The following PGCKA1 variants were observed in gnomAD, a reference collection of about 807,000 sequenced individuals.
PGCKA1 encodes PDCD10 and GCKIII kinases-associated protein 1.
At chr4:37,555,087 C>A in the PGCKA1 span, among the ~76,000 whole-genome samples, 6 of 152,180 alleles carry the variant, frequency 3.9e-5, no homozygotes, top group Admixed American at 6.5e-5. Flanking sequence ...GAGGGTCCAA[C>A]CCTCACTCTA....
At chr4:37,556,821 C>T in the PGCKA1 span, among the ~76,000 whole-genome samples, 5 of 152,070 alleles carry the variant, frequency 3.3e-5, no homozygotes, top group Admixed American at 1.3e-4. Flanking sequence ...TCATGGCTTC[C>T]TTATCAAGTA....
chr4:37,505,641 G>A, the PGCKA1 span, among the ~76,000 whole-genome samples: 359 of 152,274 alleles, frequency 2.4e-3, no homozygotes, highest in African/African-American at 7.5e-3. Flanking sequence ...AGCTTGCTCA[G>A]GGAAACTCCC....
At chr4:37,525,161 G>A in the PGCKA1 span, among the ~76,000 whole-genome samples, 76,339 of 151,972 alleles carry the variant, frequency 0.5, 20,035 homozygotes, top group African/African-American at 0.64. Flanking sequence ...GAGGAGAACT[G>A]AAAATGAAGG....
At chr4:37,456,063 G>A in the PGCKA1 span, among the ~76,000 whole-genome samples, 1 of 152,232 alleles carries the variant, frequency 6.6e-6, no homozygotes, top group East Asian at 1.9e-4. Flanking sequence ...TGGTCATTAG[G>A]CAGATTTTCT....
At chr4:37,467,925 T>C in the PGCKA1 span, among the ~76,000 whole-genome samples, 3 of 152,204 alleles carry the variant, frequency 2.0e-5, no homozygotes, top group African/African-American at 4.8e-5. Flanking sequence ...CTCCCATTTG[T>C]GGTTTGTACT....
the PGCKA1 span, among the ~76,000 whole-genome samples, chr4:37,579,366 G>A: frequency 6.6e-6 from 1 of 152,122 alleles, no homozygotes; most frequent in Admixed American, 6.5e-5. Context: ...AGTGAGTTTT[G>A]TACCTTTAGA....
chr4:37,545,924 A>G, the PGCKA1 span, among the ~76,000 whole-genome samples: 1 of 152,326 alleles, frequency 6.6e-6, no homozygotes, highest in South Asian at 2.1e-4. Context: ...AATATAGTAC[A>G]TATTTACAGA....
chr4:37,554,109 C>T, the PGCKA1 span, among the ~76,000 whole-genome samples: 1 of 152,116 alleles, frequency 6.6e-6, no homozygotes, highest in Non-Finnish European at 1.5e-5. Context: ...GAATAAATCT[C>T]ATGAGATCTG....
At chr4:37,553,579 C>T in the PGCKA1 span, among the ~76,000 whole-genome samples, 110,307 of 152,154 alleles carry the variant, frequency 0.72, 40,162 homozygotes, top group Middle Eastern at 0.78. Context: ...CATTATCTTA[C>T]GTAACACAAA....
the PGCKA1 span, among the ~76,000 whole-genome samples, chr4:37,531,764 T>C: frequency 6.9e-4 from 104 of 150,596 alleles, 1 homozygote; most frequent in African/African-American, 2.5e-3. Flanking sequence ...TGGTGGTGGG[T>C]GCCTGTAATC....
At chr4:37,454,679 A>T in the PGCKA1 span, among the ~76,000 whole-genome samples, 1 of 152,368 alleles carries the variant, frequency 6.6e-6, no homozygotes, top group East Asian at 1.9e-4. Flanking sequence ...TTTAATAATT[A>T]GGCAAGCATC....
At chr4:37,491,817 A>G in the PGCKA1 span, among the ~76,000 whole-genome samples, 1 of 152,058 alleles carries the variant, frequency 6.6e-6, no homozygotes, top group Admixed American at 6.5e-5. Context: ...TTATTGGATT[A>G]TCTGCCTTTA....
At chr4:37,585,915 T>C in the PGCKA1 span, among the ~76,000 whole-genome samples, 4 of 151,858 alleles carry the variant, frequency 2.6e-5, no homozygotes, top group African/African-American at 9.7e-5. Context: ...GATAGAAATA[T>C]ACCATGTAGC....
At chr4:37,484,029 AG>A in the PGCKA1 span, among the ~76,000 whole-genome samples, 1 of 152,192 alleles carries the variant, frequency 6.6e-6, no homozygotes, top group Non-Finnish European at 1.5e-5. Context: ...CCCACATAAA[AG>A]TAAGATCTTC....
At chr4:37,481,629 T>C in the PGCKA1 span, among the ~76,000 whole-genome samples, 1 of 152,324 alleles carries the variant, frequency 6.6e-6, no homozygotes, top group East Asian at 1.9e-4. Context: ...CTGCATGTTC[T>C]AATCTCCTCT....
the PGCKA1 span, among the ~76,000 whole-genome samples, chr4:37,573,890 T>A: frequency 2.0e-5 from 3 of 152,204 alleles, no homozygotes; most frequent in African/African-American, 7.2e-5. Flanking sequence ...CAAGTATACA[T>A]TTTAACAACT....
the PGCKA1 span, among the ~76,000 whole-genome samples, chr4:37,527,828 C>CAAA: frequency 7.7e-5 from 11 of 143,266 alleles, no homozygotes; most frequent in African/African-American, 2.8e-4. Context: ...GACTCCGTCT[C>CAAA]AAAAAAAAAA....
the PGCKA1 span, among the ~76,000 whole-genome samples, chr4:37,572,733 T>C: frequency 6.6e-6 from 1 of 152,354 alleles, no homozygotes; most frequent in East Asian, 1.9e-4. Context: ...GTTTCATATA[T>C]ACCTTTTACA....
At chr4:37,577,525 G>A in the PGCKA1 span, among the ~76,000 whole-genome samples, 1 of 151,652 alleles carries the variant, frequency 6.6e-6, no homozygotes, top group Non-Finnish European at 1.5e-5. Context: ...CCAATCTTTT[G>A]TTGATCTTTT....
Sources: gnomAD v4.1 joint callset for allele counts (sites outside exome capture counted in the v4.1 genomes callset) on GRCh38, gnomAD v4.1.1 for gene constraint, MANE v1.5 for transcripts, NCBI Gene and HGNC (gene_info 2026-07-23, HGNC 2026-07-21) for gene names.